CARD8: variants seen among roughly 807,000 people sequenced by gnomAD.
The protein encoded by CARD8 is caspase recruitment domain family member 8.
In CARD8, 38 loss-of-function variants were observed where a neutral mutation model predicts 53.2. The observed-to-expected ratio is 0.71, with a 90% confidence interval of 0.55 to 0.94. The LOEUF (loss-of-function observed/expected upper bound fraction) is 0.94, where lower values mean the gene tolerates loss of function less well. CARD8 is among the 40% of genes least tolerant of loss of function. The probability of loss-of-function intolerance (pLI) is 0.00; values close to 1 mark genes in which losing one functional copy is unlikely to be tolerated. For missense variants in CARD8, 561 were observed against 655.5 expected (o/e 0.86, Z 1.57); for synonymous variants, 245 against 244.9 (o/e 1.00, Z 0.00).
downstream of CARD8, among the ~76,000 whole-genome samples, chr19:48,207,735 T>TTTTTTTTTTTTTTTG (rs2037439593): frequency 1.3e-5 from 1 of 74,906 alleles, no homozygotes; most frequent in Non-Finnish European, 2.5e-5. Context: ...TGTTTTTCTG[T>TTTTTTTTTTTTTTTG]TTTTTTTTTT....
chr19:48,213,041 G>A (rs139478962), intron 13 of CARD8: 75 of 152,316 alleles, frequency 4.9e-4, no homozygotes, highest in African/African-American at 1.3e-3. Context: ...TATGGAAGGC[G>A]GGACGAAGAC....
chr19:48,231,869 G>GGCCTGAAGGCCTGAA, intron 7 of CARD8, 59 bp from the exon 8 acceptor site: 2 of 1,517,684 alleles, frequency 1.3e-6, no homozygotes, highest in Non-Finnish European at 1.8e-6. Flanking sequence ...ATGGCCTGAA[G>GGCCTGAAGGCCTGAA]GACTCCTGGA....
chr19:48,238,637 T>C (rs2064044645), intron 4 of CARD8, 105 bp from the exon 5 acceptor site: 2 of 1,056,270 alleles, frequency 1.9e-6, no homozygotes, highest in African/African-American at 1.6e-5. Context: ...TCCTTAGAGA[T>C]ATCCATCCTT....
intron 12 of CARD8, 142 bp downstream of exon 12, chr19:48,218,729 T>C: frequency 2.3e-6 from 2 of 854,986 alleles, no homozygotes; most frequent in Non-Finnish European, 3.7e-6. Flanking sequence ...CCCCTCCCTG[T>C]GTCCATGTGT....
In CARD8 at chr19:48,210,901, A is replaced by G. The variant is rs954541024; in HGVS notation, c.*809T>C. 6.6e-6 allele frequency: 1 copy of G among 152,404 alleles called. No individual in the cohort carries two copies. The highest frequency in any genetic ancestry group is 1.5e-5 in the Non-Finnish European group (1 of 68,040). 9.4% of individuals were successfully genotyped at this position (152,404 alleles called of 1,614,324 possible). Reference sequence around the variant, plus strand: ...AAATGGCTACAAAATGACAGAGTCTATGGTAGAATCCAAATGTCAGAGTTG... The same window carrying G: ...AAATGGCTACAAAATGACAGAGTCTGTGGTAGAATCCAAATGTCAGAGTTG... On this transcript the variant is annotated 3_prime_UTR_variant, in exon 14 of 14. Transcript: ENST00000651546.
In CARD8 at chr19:48,242,066, A is replaced by G. The variant is rs572439232; in HGVS notation, c.-43-1003T>C. Among the ~76,000 whole-genome samples the G allele has an allele frequency of 2.8e-3, 428 of 152,034 alleles. 1 individual carries two copies. The highest frequency in any genetic ancestry group is 9.5e-3 in the African/African-American group (391 of 41,360). On this transcript the variant is annotated intron_variant, in intron 3 of 13. Transcript: ENST00000651546. ...CTCCATAGGTTGACTCATTCTGGAC[A>G]TTTGATTTAATAGGAGTTGTTATGG...
intron 10 of CARD8, among the ~76,000 whole-genome samples, chr19:48,230,203 A>T (rs1384522455): frequency 6.6e-6 from 1 of 152,198 alleles, no homozygotes; most frequent in Non-Finnish European, 1.5e-5. Flanking sequence ...CCTTCTTGAG[A>T]GCCAGAAAAG....
intron 4 of CARD8, 53 bp downstream of exon 4, chr19:48,240,909 A>T (rs2146666112): frequency 7.2e-7 from 1 of 1,394,460 alleles, no homozygotes; most frequent in East Asian, 2.5e-5. Context: ...AACTATAACG[A>T]AACACAGAAG....
rs542641676 is a variant in CARD8 at position 48,230,810 on chromosome 19, C to T, written c.739G>A (p.Glu247Lys). 9.3e-6 allele frequency: 15 copies of T among 1,614,130 alleles called. No individual in the cohort carries two copies. The highest frequency in any genetic ancestry group is 4.5e-5 in the East Asian group (2 of 44,894). ...VTAEPEEAVA[E>K]IHLPHFISLQ... ...GAGATGAAGTGGGGGAGGTGGATTT[C>T]GGCGACAGCCTCCTCTGGCTCTGCA... Residue 247 changes from glutamate (E) to lysine (K), a missense_variant, in exon 9 of 14, where the codon GAA (glutamate) becomes AAA (lysine). Transcript: ENST00000651546.
chr19:48,255,686 CT>C (rs935342742), intron 1 of CARD8, 105 bp downstream of exon 1: 4 of 151,492 alleles, frequency 2.6e-5, no homozygotes, highest in African/African-American at 9.7e-5. Context: ...CTTTGTCGTA[CT>C]CCTTCCTTGC....
Position 48,215,250 on chromosome 19 carries a change from G to A in CARD8, c.1348+90C>T, listed in dbSNP as rs112927753. The A allele has an allele frequency of 1.9e-3, 1,751 of 904,506 alleles. 17 individuals are homozygous for A. In the African/African-American group the frequency reaches 0.026, roughly 13 times the overall value. The allele number at this position is 904,506 out of a possible 1,614,324, so 56.0% of individuals were successfully genotyped here. A position where few individuals can be genotyped will look rare whatever the true frequency, so the allele number is the denominator to read the frequency against. On this transcript the variant is annotated intron_variant, in intron 13 of 13. Coordinates refer to ENST00000651546, the MANE Select transcript of CARD8 (RefSeq NM_001184900.3). ...GATTTGCTGCCAGTAACGTTCTGGT[G>A]CCATGTCACTTGGATACCTTCCACT...
chr19:48,251,724 G>A (rs965898713), intron 1 of CARD8, among the ~76,000 whole-genome samples: 2 of 152,138 alleles, frequency 1.3e-5, no homozygotes, highest in South Asian at 2.1e-4. Flanking sequence ...GCATACATCC[G>A]TGATCTAAAC....
chr19:48,222,430 C>T (rs1197194700), intron 10 of CARD8, among the ~76,000 whole-genome samples: 1 of 152,214 alleles, frequency 6.6e-6, no homozygotes, highest in Non-Finnish European at 1.5e-5. Context: ...GTGGTTCACA[C>T]CTGTAATCCT....
downstream of CARD8, chr19:48,203,888 C>T: frequency 3.5e-6 from 1 of 287,308 alleles, no homozygotes; most frequent in South Asian, 2.7e-5. Context: ...CCTGCTGTAG[C>T]AGCCAGAAAG....
downstream of CARD8, among the ~76,000 whole-genome samples, chr19:48,207,734 G>GTTTTTTTT (rs758903014): frequency 8.6e-5 from 10 of 116,550 alleles, 1 homozygote; most frequent in African/African-American, 2.6e-4. Flanking sequence ...TTGTTTTTCT[G>GTTTTTTTT]TTTTTTTTTT....
In CARD8 at chr19:48,252,808, T is replaced by TATAC. The variant is rs113740488; in HGVS notation, c.-251-2962_-251-2961insGTAT. 1.5e-3 allele frequency among the ~76,000 whole-genome samples: 224 copies of TATAC among 148,290 alleles called. 1 individual carries two copies. Among genetic ancestry groups the TATAC allele is most frequent in the African/African-American group, 5.2e-3 (208 of 40,202 alleles). ...CCACCGCACTGGCCTTATCAGTATA[T>TATAC]ACACACACACACACACACACACACA... On this transcript the variant is annotated intron_variant, in intron 1 of 13. Coordinates refer to ENST00000651546, the MANE Select transcript of CARD8 (RefSeq NM_001184900.3).
intron 5 of CARD8, among the ~76,000 whole-genome samples, chr19:48,236,867 C>T (rs747694058): frequency 6.6e-6 from 1 of 151,994 alleles, no homozygotes; most frequent in Admixed American, 6.6e-5. Flanking sequence ...CTCTGCCTCC[C>T]GAGTTCAAGC....
At chr19:48,222,645 C>T (rs550154567) in intron 10 of CARD8, among the ~76,000 whole-genome samples, 17 of 151,334 alleles carry the variant, frequency 1.1e-4, no homozygotes, top group Non-Finnish European at 2.2e-4. Flanking sequence ...GCCGAGATTG[C>T]GCCACTGCAT....
At chr19:48,241,133 T>A in intron 3 of CARD8, 70 bp from the exon 4 acceptor site, 1 of 860,670 alleles carries the variant, frequency 1.2e-6, no homozygotes, top group Non-Finnish European at 1.8e-6. Context: ...AGCTTCTGTG[T>A]CTCTCAAAGG....
Sources: allele counts gnomAD v4.1 joint callset (sites outside exome capture counted in the v4.1 genomes callset), GRCh38; gene constraint gnomAD v4.1.1; transcripts MANE v1.5; gene names NCBI Gene and HGNC (gene_info 2026-07-23, HGNC 2026-07-21).